The following DLGAP4 variants were observed in gnomAD, a reference collection of about 807,000 sequenced individuals.
The protein encoded by DLGAP4 is DLG associated protein 4.
A neutral mutation model predicts 86.9 loss-of-function variants in DLGAP4; 18 were observed. That is an observed-to-expected ratio of 0.21 (90% CI 0.14 to 0.31). The LOEUF is 0.31. Ranked by LOEUF, DLGAP4 falls within the 10% of genes least tolerant of loss-of-function variation. DLGAP4 has a pLI of 1.00. For missense variants in DLGAP4, 1,085 were observed against 1,362.6 expected (o/e 0.80, Z 3.21); for synonymous variants, 548 against 574.3 (o/e 0.95, Z 0.65).
chr20:36,520,857 G>C (rs1470990286), intron 10 of DLGAP4, among the ~76,000 whole-genome samples: 2 of 151,978 alleles, frequency 1.3e-5, no homozygotes, highest in Non-Finnish European at 2.9e-5. Flanking sequence ...GTTTGAGACA[G>C]AGTCTCCCTC....
At chr20:36,480,537 C>G (rs1407743276) in intron 7 of DLGAP4, among the ~76,000 whole-genome samples, 1 of 151,836 alleles carries the variant, frequency 6.6e-6, no homozygotes, top group African/African-American at 2.4e-5. Flanking sequence ...GACCCTGTCT[C>G]TACAAAAAAT....
At chr20:36,439,670 T>G (rs2033389960) in intron 4 of DLGAP4, 84 bp from the exon 5 acceptor site, 4 of 1,176,780 alleles carry the variant, frequency 3.4e-6, no homozygotes, top group Non-Finnish European at 4.9e-6. Flanking sequence ...GTGGACCACC[T>G]GTGCATCACA....
intron 10 of DLGAP4, among the ~76,000 whole-genome samples, chr20:36,515,828 G>A (rs2037004539): frequency 6.6e-6 from 1 of 152,134 alleles, no homozygotes; most frequent in Non-Finnish European, 1.5e-5. Flanking sequence ...TATATTAATT[G>A]GGATTACATT....
In DLGAP4 at chr20:36,432,850, G is replaced by A; in HGVS notation, c.999+134G>A. 8.6e-7 allele frequency: 1 copy of A among 1,167,720 alleles called. No homozygotes were observed. The highest frequency in any genetic ancestry group is 1.2e-6 in the Non-Finnish European group (1 of 829,366). The allele number at this position is 1,167,720 out of a possible 1,614,324, so 72.3% of individuals were successfully genotyped here. ...TCTGTGGCTCAGCTATAAAATGGGT[G>A]GCCTAGTGGTACCTGCTAATCAGGG... On this transcript the variant is annotated intron_variant, in intron 3 of 12. Transcript: ENST00000339266. This position sits in a 1 kb window ranked among gnomAD's most constrained non-coding sequence, Gnocchi z 6.5.
At chr20:36,356,251 A>G (rs1423147309) in intron 1 of DLGAP4, among the ~76,000 whole-genome samples, 1 of 152,242 alleles carries the variant, frequency 6.6e-6, no homozygotes, top group African/African-American at 2.4e-5. Context: ...GCATGGATCA[A>G]TCAATTCACT....
chr20:36,426,478 G>A (rs886427129), intron 2 of DLGAP4, among the ~76,000 whole-genome samples: 4 of 151,920 alleles, frequency 2.6e-5, no homozygotes, highest in Admixed American at 2.0e-4. Context: ...TCGCACCACC[G>A]CACTCCAGCC....
intron 10 of DLGAP4, among the ~76,000 whole-genome samples, chr20:36,509,766 C>T (rs774798798): frequency 6.6e-6 from 1 of 151,850 alleles, no homozygotes; most frequent in Non-Finnish European, 1.5e-5. Context: ...ACAAAAAGTA[C>T]TTTAAAAATC....
At chr20:36,507,159 C>A (rs897849094) in intron 10 of DLGAP4, among the ~76,000 whole-genome samples, 2 of 151,940 alleles carry the variant, frequency 1.3e-5, no homozygotes, top group African/African-American at 2.4e-5. Context: ...GCAAGGCTCT[C>A]TGATTAAATT....
rs559117148 is a variant in DLGAP4, at chr20:36,384,969, T to C, written c.-73+17694T>C. Among the ~76,000 whole-genome samples, 8 of 152,160 alleles carry C rather than the reference T, an allele frequency of 5.3e-5. No homozygotes were observed. The South Asian group carries it at 1.7e-3, about 31-fold the overall frequency. Reference sequence around the variant, plus strand: ...TGGAAGTGGAAGGGGGTTACTTAGCTAGGAGGTGGTGTTGAGAAAGGCCTT... The same window carrying C: ...TGGAAGTGGAAGGGGGTTACTTAGCCAGGAGGTGGTGTTGAGAAAGGCCTT... On this transcript the variant is annotated intron_variant, in intron 2 of 12. Transcript: ENST00000339266.
intron 1 of DLGAP4, among the ~76,000 whole-genome samples, chr20:36,365,107 A>G (rs1044071673): frequency 4.6e-5 from 7 of 152,166 alleles, no homozygotes; most frequent in Non-Finnish European, 1.0e-4. Context: ...AAAATAAAAA[A>G]GAAGAAGAAG....
At chr20:36,423,934 C>A (rs187669011) in intron 2 of DLGAP4, among the ~76,000 whole-genome samples, 1 of 151,852 alleles carries the variant, frequency 6.6e-6, no homozygotes, top group East Asian at 1.9e-4. Flanking sequence ...CACTCCAGCC[C>A]GAGTGACAGA....
At chr20:36,390,310 T>G (rs1264646249) in intron 2 of DLGAP4, among the ~76,000 whole-genome samples, 1 of 152,036 alleles carries the variant, frequency 6.6e-6, no homozygotes, top group Non-Finnish European at 1.5e-5. Flanking sequence ...TGCACTCCCA[T>G]GATAGGAGAA....
chr20:36,505,762 G>A (rs1302936685), intron 10 of DLGAP4, among the ~76,000 whole-genome samples: 1 of 152,182 alleles, frequency 6.6e-6, no homozygotes, highest in Non-Finnish European at 1.5e-5. Context: ...CTGGGTGACA[G>A]AGTGAGACCC....
chr20:36,371,952 T>C (rs1435448824), intron 2 of DLGAP4, among the ~76,000 whole-genome samples: 1 of 152,048 alleles, frequency 6.6e-6, no homozygotes, highest in East Asian at 1.9e-4. Context: ...GAACAGAGGA[T>C]TTTAGGGTTC....
intron 1 of DLGAP4, among the ~76,000 whole-genome samples, chr20:36,328,569 C>T (rs1046715684): frequency 1.3e-5 from 2 of 151,882 alleles, no homozygotes; most frequent in African/African-American, 4.8e-5. Context: ...ATCAGAATCC[C>T]CTGCTTTTGT....
intron 7 of DLGAP4, among the ~76,000 whole-genome samples, chr20:36,495,965 C>G (rs2035868513): frequency 6.6e-6 from 1 of 152,066 alleles, no homozygotes; most frequent in African/African-American, 2.4e-5. Context: ...CTCCACCTCC[C>G]AGGTTCAAGC....
intron 1 of DLGAP4, among the ~76,000 whole-genome samples, chr20:36,354,462 A>T (rs1555893677): frequency 1.3e-5 from 2 of 152,226 alleles, no homozygotes; most frequent in Admixed American, 1.3e-4. Context: ...GCAATTCAAA[A>T]GTTCCCTCTG....
intron 7 of DLGAP4, chr20:36,462,308 A>AC (rs1199449715): frequency 3.0e-6 from 4 of 1,333,736 alleles, no homozygotes; most frequent in Non-Finnish European, 3.8e-6. Flanking sequence ...GTCTCCGAGC[A>AC]CCCCCACTTC....
In DLGAP4 at chr20:36,393,201, T is replaced by C. The variant is rs1034673006; in HGVS notation, c.-73+25926T>C. 2.0e-5 allele frequency among the ~76,000 whole-genome samples: 3 copies of C among 151,904 alleles called. No homozygotes were observed. Among genetic ancestry groups the C allele is most frequent in the Admixed American group, 1.3e-4 (2 of 15,258 alleles). ...GGGCAGAAGGGGTGGAAGGGGGTGA[T>C]TCAAATCCCAGGGGATGAGGTGCAT... On this transcript the variant is annotated intron_variant, in intron 2 of 12. Coordinates refer to ENST00000339266, the MANE Select transcript of DLGAP4 (RefSeq NM_001365621.2). The surrounding 1 kb of genome is among the most constrained non-coding windows in gnomAD (Gnocchi z 4.4).
Sources: gnomAD v4.1 joint callset for allele counts (sites outside exome capture counted in the v4.1 genomes callset) on GRCh38, gnomAD v4.1.1 for gene constraint, Gnocchi (gnomAD v3.1) non-coding constraint, MANE v1.5 for transcripts, NCBI Gene and HGNC (gene_info 2026-07-23, HGNC 2026-07-21) for gene names.